The following MACROD2 variants were observed in gnomAD, a reference collection of about 807,000 sequenced individuals.
MACROD2 encodes mono-ADP ribosylhydrolase 2.
A neutral mutation model predicts 70.4 loss-of-function variants in MACROD2; 36 were observed. The ratio of observed to expected loss-of-function variants is 0.51; its 90% CI spans 0.39 to 0.68. The LOEUF is 0.68. Among genes scored for constraint, MACROD2 ranks in the 30% least tolerant of loss-of-function variants. MACROD2 has a pLI of 0.00. For synonymous variants in MACROD2, 172 were observed against 178.8 expected (o/e 0.96, Z 0.30); for missense variants, 496 against 538.4 (o/e 0.92, Z 0.78).
intron 2 of MACROD2, among the ~76,000 whole-genome samples, chr20:14,078,230 A>G (rs914443704): frequency 2.0e-5 from 3 of 151,658 alleles, no homozygotes; most frequent in Non-Finnish European, 4.4e-5. Context: ...TAATCTGCCT[A>G]GGGAACAAAA....
intron 3 of MACROD2, among the ~76,000 whole-genome samples, chr20:14,387,813 T>A (rs1012614664): frequency 2.6e-5 from 4 of 152,214 alleles, no homozygotes; most frequent in African/African-American, 9.7e-5. Flanking sequence ...GTTGCAAGTG[T>A]CTCACCAGAC....
intron 5 of MACROD2, among the ~76,000 whole-genome samples, chr20:14,960,034 A>T (rs1036934564): frequency 5.9e-5 from 9 of 152,206 alleles, no homozygotes; most frequent in African/African-American, 2.2e-4. Flanking sequence ...TGCCTCCTGT[A>T]CAAATTCTCT....
At chr20:15,424,609 A>G (rs2046273368) in intron 6 of MACROD2, among the ~76,000 whole-genome samples, 1 of 152,194 alleles carries the variant, frequency 6.6e-6, no homozygotes, top group African/African-American at 2.4e-5. Context: ...AGTCCCAGCT[A>G]CTTAGGAGGC....
intron 5 of MACROD2, among the ~76,000 whole-genome samples, chr20:14,951,885 G>T (rs925822928): frequency 2.7e-5 from 4 of 149,776 alleles, no homozygotes; most frequent in Middle Eastern, 7.1e-3. Context: ...AGGATAAAGT[G>T]TCCTCCCTCC....
At chr20:14,170,991 A>G (rs1181366282) in intron 3 of MACROD2, among the ~76,000 whole-genome samples, 4 of 151,924 alleles carry the variant, frequency 2.6e-5, no homozygotes, top group African/African-American at 7.3e-5. Context: ...TTTGTTGGCA[A>G]TTTTTTAAAA....
intron 8 of MACROD2, among the ~76,000 whole-genome samples, chr20:15,851,396 T>C (rs554624725): frequency 1.3e-5 from 2 of 152,048 alleles, no homozygotes; most frequent in South Asian, 4.2e-4. Flanking sequence ...AAGGCAAATA[T>C]GAAGGTGTCA....
chr20:14,306,720 A>T (rs753065332), intron 3 of MACROD2, among the ~76,000 whole-genome samples: 1 of 152,052 alleles, frequency 6.6e-6, no homozygotes, highest in South Asian at 2.1e-4. Flanking sequence ...CTAGGATCTT[A>T]AAAATAGAGA....
chr20:15,821,526 T>C (rs1235083561), intron 8 of MACROD2, among the ~76,000 whole-genome samples: 2 of 152,224 alleles, frequency 1.3e-5, no homozygotes, highest in East Asian at 3.8e-4. Flanking sequence ...CTTTTAGTTT[T>C]CTTATTGAAA....
intron 8 of MACROD2, among the ~76,000 whole-genome samples, chr20:15,695,489 A>G (rs1257854873): frequency 6.7e-6 from 1 of 149,222 alleles, no homozygotes; most frequent in Non-Finnish European, 1.5e-5. Context: ...GCTCACTGCA[A>G]CTCCTCCATC....
chr20:14,115,136 G>A (rs754304515), intron 3 of MACROD2, among the ~76,000 whole-genome samples: 6 of 152,082 alleles, frequency 3.9e-5, no homozygotes, highest in Non-Finnish European at 8.8e-5. Context: ...CAGTGGTTGC[G>A]TCAAAGGTTC....
At chr20:14,998,082 G>C (rs918813915) in intron 5 of MACROD2, among the ~76,000 whole-genome samples, 2 of 152,184 alleles carry the variant, frequency 1.3e-5, no homozygotes, top group African/African-American at 4.8e-5. Flanking sequence ...AGTGACCAAA[G>C]ATTAGATCAC....
chr20:15,482,646 T>C (rs1385511040), intron 7 of MACROD2, among the ~76,000 whole-genome samples: 1 of 152,202 alleles, frequency 6.6e-6, no homozygotes, highest in East Asian at 1.9e-4. Context: ...ACTGACAAAC[T>C]GTCTTCTAAA....
intron 15 of MACROD2, among the ~76,000 whole-genome samples, chr20:16,005,342 A>G (rs2066773420): frequency 6.6e-6 from 1 of 152,202 alleles, no homozygotes; most frequent in Non-Finnish European, 1.5e-5. Context: ...ATAAGAAAAG[A>G]AAAAAGGAGA....
In MACROD2 at chr20:15,038,191, C is replaced by T. The variant is rs930188333; in HGVS notation, c.419-191749C>T. Reference sequence around the variant, plus strand: ...AAATAATCATATAGTTCTTTTACATCGTTTCTTAATTCTTTGGTATGATCG... The same window carrying T: ...AAATAATCATATAGTTCTTTTACATTGTTTCTTAATTCTTTGGTATGATCG... On this transcript the variant is annotated intron_variant, in intron 5 of 17. Transcript: ENST00000684519. Among the ~76,000 whole-genome samples the T allele has an allele frequency of 7.6e-4, 116 of 152,114 alleles. 2 individuals are homozygous for T. The highest frequency in any genetic ancestry group is 2.7e-3 in the African/African-American group (110 of 41,426).
At chr20:14,944,605 A>C (rs1364648690) in intron 5 of MACROD2, among the ~76,000 whole-genome samples, 1 of 152,166 alleles carries the variant, frequency 6.6e-6, no homozygotes, top group Non-Finnish European at 1.5e-5. Context: ...AATAGTTCTG[A>C]TTCCAGATTC....
chr20:14,309,302 A>C (rs2082546453), intron 3 of MACROD2, among the ~76,000 whole-genome samples: 1 of 152,158 alleles, frequency 6.6e-6, no homozygotes, highest in South Asian at 2.1e-4. Flanking sequence ...AATTTCCTTA[A>C]ATGGAGGAAT....
chr20:15,081,201 A>G (rs1335010082), intron 5 of MACROD2, among the ~76,000 whole-genome samples: 7 of 152,214 alleles, frequency 4.6e-5, no homozygotes. Flanking sequence ...AAAAAATTAA[A>G]TGAAATTCAA....
chr20:14,651,753 C>A (rs1013923607), intron 4 of MACROD2, among the ~76,000 whole-genome samples: 6 of 152,174 alleles, frequency 3.9e-5, no homozygotes, highest in Non-Finnish European at 1.5e-5. Context: ...GTCTCCACAG[C>A]TGTGGCAATC....
chr20:15,222,981 C>T (rs1019999050), intron 5 of MACROD2, among the ~76,000 whole-genome samples: 2 of 152,184 alleles, frequency 1.3e-5, no homozygotes, highest in African/African-American at 2.4e-5. Flanking sequence ...ACACCTCTTT[C>T]AAAGAAAACC....
Sources: allele counts gnomAD v4.1 joint callset (sites outside exome capture counted in the v4.1 genomes callset), GRCh38; gene constraint gnomAD v4.1.1; transcripts MANE v1.5; gene names NCBI Gene and HGNC (gene_info 2026-07-23, HGNC 2026-07-21).